The following SLC30A5 variants were observed in gnomAD, a reference collection of about 807,000 sequenced individuals.
SLC30A5 encodes the protein solute carrier family 30 member 5, also known as proton-coupled zinc antiporter SLC30A5.
Under a neutral mutation model 79.6 loss-of-function variants are expected in SLC30A5, and 33 were observed. The observed-to-expected ratio is 0.41, with a 90% CI of 0.31 to 0.55. The LOEUF is 0.55. SLC30A5 is among the 20% of genes least tolerant of loss of function. The probability of loss-of-function intolerance (pLI) is 0.20; values close to 1 mark genes in which losing one functional copy is unlikely to be tolerated. For missense variants in SLC30A5, 788 were observed against 928.1 expected (o/e 0.85, Z 1.96); for synonymous variants, 299 against 319.7 (o/e 0.94, Z 0.69).
At chr5:69,124,123 A>AG (rs1448510119) in intron 14 of SLC30A5, among the ~76,000 whole-genome samples, 3 of 151,386 alleles carry the variant, frequency 2.0e-5, no homozygotes, top group Non-Finnish European at 2.9e-5. Flanking sequence ...AAAAAAAAAA[A>AG]AAAAAAACCT....
chr5:69,111,354 G>A (rs548476051), intron 5 of SLC30A5, among the ~76,000 whole-genome samples: 1 of 145,170 alleles, frequency 6.9e-6, no homozygotes, highest in South Asian at 2.2e-4. Context: ...ACCCAGGCTG[G>A]TGTGCAGTGG....
chr5:69,099,925 T>C (rs2111931770), intron 1 of SLC30A5, among the ~76,000 whole-genome samples: 1 of 152,358 alleles, frequency 6.6e-6, no homozygotes, highest in African/African-American at 2.4e-5. Context: ...TAATCATTCA[T>C]ATACATTGAA....
In SLC30A5 at chr5:69,099,466, C is replaced by T. The variant is rs574090312; in HGVS notation, c.84-1341C>T. ...CTACTTCAGGAAATTTAAGTGACCTCGCCAGAGGCTAAGACTCGTGACTCC... is the reference window on the plus strand; with the variant it reads ...CTACTTCAGGAAATTTAAGTGACCTTGCCAGAGGCTAAGACTCGTGACTCC... On this transcript the variant is annotated intron_variant, in intron 1 of 15. Coordinates refer to ENST00000396591, the MANE Select transcript of SLC30A5 (RefSeq NM_022902.5). Among the ~76,000 whole-genome samples, 18 of 152,192 alleles carry T rather than the reference C, an allele frequency of 1.2e-4. No individual in the cohort carries two copies. The South Asian group carries it at 1.7e-3, about 14-fold the overall frequency.
chr5:69,113,776 C>T (rs1746294416), intron 6 of SLC30A5, among the ~76,000 whole-genome samples: 1 of 152,160 alleles, frequency 6.6e-6, no homozygotes, highest in African/African-American at 2.4e-5. Flanking sequence ...TTACCCACTC[C>T]ATCCAGCAGA....
At chr5:69,094,854 A>C (rs1052586677) in intron 1 of SLC30A5, among the ~76,000 whole-genome samples, 4 of 151,032 alleles carry the variant, frequency 2.6e-5, no homozygotes, top group African/African-American at 9.7e-5. Context: ...TTTTGTTCTT[A>C]AATAAGAAAT....
At chr5:69,113,107 A>C in intron 5 of SLC30A5, 33 bp from the exon 6 acceptor site, 1 of 1,564,616 alleles carries the variant, frequency 6.4e-7, no homozygotes, top group Non-Finnish European at 8.8e-7. Flanking sequence ...CCCTTGAAAA[A>C]GTCATCCTTG....
chr5:69,113,924 C>A (rs748404112), intron 6 of SLC30A5, among the ~76,000 whole-genome samples: 1 of 152,180 alleles, frequency 6.6e-6, no homozygotes. Context: ...GCTTGTGATA[C>A]AACCTCTATT....
rs1439754913 is a variant in SLC30A5, at chr5:69,130,266, ATAT to A, written c.*651_*653del. 6.6e-6 allele frequency: 1 copy of A among 152,168 alleles called. No individual in the cohort carries two copies. The highest frequency in any genetic ancestry group is 1.9e-4 in the East Asian group (1 of 5,200). The allele number at this position is 152,168 out of a possible 1,614,324, so 9.4% of individuals were successfully genotyped here. A position where few individuals can be genotyped will look rare whatever the true frequency, so the allele number is the denominator to read the frequency against. On this transcript the variant is annotated 3_prime_UTR_variant, in exon 16 of 16. Coordinates refer to ENST00000396591, the MANE Select transcript of SLC30A5 (RefSeq NM_022902.5). ...AAATAAATTTTTTTTACTTTTGGTA[ATAT>A]TTGCAAATGAATAATTAATTTATTA...
intron 6 of SLC30A5, 87 bp downstream of exon 6, chr5:69,113,314 T>C: frequency 2.2e-6 from 2 of 927,198 alleles, no homozygotes; most frequent in Non-Finnish European, 3.3e-6. Flanking sequence ...GATAAGTGAA[T>C]TAAACTGATC....
rs1415991621 is a variant in SLC30A5, at chr5:69,116,518, C to T, written c.1197C>T (p.Ile399=). 3 of 1,611,764 alleles carry T rather than the reference C, an allele frequency of 1.9e-6. No homozygotes were observed. Among genetic ancestry groups the T allele is most frequent in the Non-Finnish European group, 2.5e-6 (3 of 1,179,120 alleles). The change falls in exon 10 of 16, where the codon ATC becomes ATT. Residue 399 remains isoleucine, a synonymous_variant. Transcript: ENST00000396591. This position sits in a 1 kb window ranked among gnomAD's most constrained non-coding sequence, Gnocchi z 4.0. ...CTTTTCAGCATAGCTCTCAATCGAT[C>T]CCTAGGTTTATTAAGGAATCACTAA... is the stretch of plus-strand genomic sequence containing the variant. ...GDAFQHSSQS[I]PRFIKESLKQ... is the part of the protein sequence containing the mutation.
At chr5:69,125,440 C>T (rs1425379071) in intron 14 of SLC30A5, among the ~76,000 whole-genome samples, 3 of 151,534 alleles carry the variant, frequency 2.0e-5, no homozygotes, top group South Asian at 2.1e-4. Context: ...TCAGTAGAAT[C>T]GCTTGAACCC....
chr5:69,111,084 C>T (rs1309875628), intron 5 of SLC30A5, among the ~76,000 whole-genome samples: 2 of 151,546 alleles, frequency 1.3e-5, no homozygotes, highest in Non-Finnish European at 2.9e-5. Flanking sequence ...ACCTCCACCT[C>T]CCAGGTTCAA....
intron 1 of SLC30A5, among the ~76,000 whole-genome samples, chr5:69,097,797 C>T (rs975777716): frequency 6.6e-6 from 1 of 152,114 alleles, no homozygotes; most frequent in African/African-American, 2.4e-5. Flanking sequence ...CCTCAGCCTC[C>T]CAAAGTGCTG....
Position 69,100,928 on chromosome 5 carries a change from G to T in SLC30A5, c.205G>T (p.Gly69Trp). The T allele has an allele frequency of 6.5e-7, 1 of 1,548,430 alleles. No homozygotes were observed. The highest frequency in any genetic ancestry group is 8.8e-7 in the Non-Finnish European group (1 of 1,140,190). ...TCAGTTCATTTTTATATTAAAACTT[G>T]GGTGAGTGTGGGGGGGGGTTTTTTC... ...IVQFIFILKLGTAFFMVLFQK... is the reference protein window; with the variant it reads ...IVQFIFILKLWTAFFMVLFQK... The change falls in exon 2 of 16, where the codon GGG (glycine) becomes TGG (tryptophan). Residue 69 changes from glycine to tryptophan, a missense_variant and splice_region_variant. Coordinates refer to ENST00000396591, the MANE Select transcript of SLC30A5 (RefSeq NM_022902.5).
At chr5:69,094,524 G>A (rs1745663419) in intron 1 of SLC30A5, among the ~76,000 whole-genome samples, 186 bp downstream of exon 1, 1 of 152,140 alleles carries the variant, frequency 6.6e-6, no homozygotes, top group South Asian at 2.1e-4. Flanking sequence ...TGCTGCAGAA[G>A]GAAGGCGCTA....
chr5:69,096,363 C>G (rs899400927), intron 1 of SLC30A5, among the ~76,000 whole-genome samples: 1 of 152,070 alleles, frequency 6.6e-6, no homozygotes, highest in Non-Finnish European at 1.5e-5. Context: ...TTTAAAAGTG[C>G]TGTTTATTCA....
chr5:69,100,444 C>T (rs1043406335), intron 1 of SLC30A5, among the ~76,000 whole-genome samples: 10 of 152,010 alleles, frequency 6.6e-5, no homozygotes, highest in Middle Eastern at 3.4e-3. Flanking sequence ...TGCCACGTTG[C>T]GGAGGCTGGT....
In SLC30A5 at chr5:69,115,955, T is replaced by G; in HGVS notation, c.813T>G (p.Ile271Met). Residue 271 changes from isoleucine (I) to methionine (M), a missense_variant, in exon 9 of 16, where the codon ATT becomes ATG. Transcript: ENST00000396591. ...ESKVESWFSLIMPFATVIFFV... is the reference protein window; with the variant it reads ...ESKVESWFSLMMPFATVIFFV... ...AAGTGGAGTCTTGGTTTTCTCTCAT[T>G]ATGCCTTTTGCAACGGTTATCTTTT... The G allele has an allele frequency of 6.2e-7, 1 of 1,613,578 alleles. No individual in the cohort carries two copies. The highest frequency in any genetic ancestry group is 8.5e-7 in the Non-Finnish European group (1 of 1,179,790).
rs532994254 is a variant in SLC30A5, at chr5:69,125,870, C to CAAAAAAAAAAAAAAAAAAAAAA, written c.1999-2129_1999-2108dup. 7.4e-4 allele frequency among the ~76,000 whole-genome samples: 40 copies of CAAAAAAAAAAAAAAAAAAAAAA among 54,194 alleles called. 2 individuals carry two copies. Among genetic ancestry groups the CAAAAAAAAAAAAAAAAAAAAAA allele is most frequent in the East Asian group, 2.5e-3 (4 of 1,614 alleles). The allele number at this position is 54,194 out of a possible 152,430, so 35.6% of individuals were successfully genotyped here. On this transcript the variant is annotated intron_variant, in intron 14 of 15. Transcript: ENST00000396591. Reference sequence around the variant, plus strand: ...CGGGCCACAGAGCGAGACTCCGTCTCAAAAAAAAAAAAAAAAAAAAAAAAA... The same window carrying CAAAAAAAAAAAAAAAAAAAAAA: ...CGGGCCACAGAGCGAGACTCCGTCTCAAAAAAAAAAAAAAAAAAAAAAAAAAAAAAAAAAAAAAAAAAAAAAA...
Sources: gnomAD v4.1 joint callset for allele counts (sites outside exome capture counted in the v4.1 genomes callset) on GRCh38, gnomAD v4.1.1 for gene constraint, Gnocchi (gnomAD v3.1) non-coding constraint, MANE v1.5 for transcripts, NCBI Gene and HGNC (gene_info 2026-07-23, HGNC 2026-07-21) for gene names.